FRMD4B: variants seen among roughly 807,000 people sequenced by gnomAD.
The protein encoded by FRMD4B is FERM domain-containing protein 4B.
Under a neutral mutation model 141.5 loss-of-function variants are expected in FRMD4B, and 74 were observed. That is an observed-to-expected ratio of 0.52 (90% CI 0.43 to 0.63). The LOEUF is 0.63. Ranked by LOEUF, FRMD4B falls within the 30% of genes least tolerant of loss-of-function variation. FRMD4B has a pLI of 0.00. For missense variants in FRMD4B, 1,366 were observed against 1,253.4 expected, an observed-to-expected ratio of 1.09 and a Z score of -1.36; for synonymous variants, 506 against 467.9, an observed-to-expected ratio of 1.08 and a Z score of -1.05.
intron 1 of FRMD4B, among the ~76,000 whole-genome samples, chr3:69,371,918 C>T (rs1190570228): frequency 6.6e-6 from 1 of 152,204 alleles, no homozygotes; most frequent in Non-Finnish European, 1.5e-5. Context: ...GTTATTTCCA[C>T]ATTTGAAACA....
At chr3:69,209,111 T>C (rs1340675756) in intron 11 of FRMD4B, among the ~76,000 whole-genome samples, 42 of 146,858 alleles carry the variant, frequency 2.9e-4, no homozygotes, top group African/African-American at 1.0e-3. Context: ...GCCACTGCAC[T>C]CCAGCCTGGG....
rs2092787512 is a variant in FRMD4B, at chr3:69,187,873, G to A, written c.1816C>T (p.Pro606Ser). The A allele has an allele frequency of 1.2e-6, 2 of 1,607,852 alleles. No individual in the cohort carries two copies. The highest frequency in any genetic ancestry group is 1.7e-6 in the Non-Finnish European group (2 of 1,176,312). ...GGGGGAAGAATTCTTGGAGAATGAGGTACTGAACTTGATCGCTGCCCAGGA... is the reference window on the plus strand; with the variant it reads ...GGGGGAAGAATTCTTGGAGAATGAGATACTGAACTTGATCGCTGCCCAGGA... The part of the protein sequence containing the change: ...TFPGQRSSSV[P>S]HSPRILPPKS... Residue 606 changes from proline (P) to serine (S), a missense_variant, in exon 19 of 23, where the codon CCT (proline) becomes TCT (serine). Pro to Ser is a moderately conservative substitution (Grantham distance 74, BLOSUM62 -1). Coordinates refer to ENST00000398540, the MANE Select transcript of FRMD4B (RefSeq NM_015123.3).
chr3:69,443,679 C>A (rs906141036), intron 1 of FRMD4B, among the ~76,000 whole-genome samples: 27 of 152,224 alleles, frequency 1.8e-4, no homozygotes, highest in Non-Finnish European at 2.9e-5. Flanking sequence ...CTTCCAGCAA[C>A]ACACACTTGC....
chr3:69,177,772 T>C (rs867835733), intron 21 of FRMD4B, among the ~76,000 whole-genome samples: 1 of 152,154 alleles, frequency 6.6e-6, no homozygotes, highest in Non-Finnish European at 1.5e-5. Flanking sequence ...AAAGGTAAGG[T>C]GATGAGTCTG....
At chr3:69,270,452 A>C (rs542746521) in intron 5 of FRMD4B, among the ~76,000 whole-genome samples, 10 of 152,382 alleles carry the variant, frequency 6.6e-5, no homozygotes, top group Non-Finnish European at 1.0e-4. Context: ...AAAGATGGAC[A>C]GAAATAGTTG....
intron 1 of FRMD4B, among the ~76,000 whole-genome samples, chr3:69,524,097 C>A (rs1700897277): frequency 1.3e-5 from 2 of 152,202 alleles, no homozygotes; most frequent in African/African-American, 2.4e-5. Context: ...CAGAATATAG[C>A]AAAACCAATT....
chr3:69,520,590 T>G (rs1352069171), intron 1 of FRMD4B, among the ~76,000 whole-genome samples: 1 of 151,916 alleles, frequency 6.6e-6, no homozygotes, highest in Non-Finnish European at 1.5e-5. Context: ...CCACTCAGTG[T>G]GAGGGAGCTA....
chr3:69,413,431 T>C (rs532825295), intron 2 of FRMD4B, among the ~76,000 whole-genome samples: 1 of 152,232 alleles, frequency 6.6e-6, no homozygotes, highest in African/African-American at 2.4e-5. Context: ...ACTGTATCTC[T>C]CCCTTTATTT....
chr3:69,450,550 C>T (rs1050503262), intron 1 of FRMD4B, among the ~76,000 whole-genome samples: 9 of 152,290 alleles, frequency 5.9e-5, no homozygotes, highest in Admixed American at 5.2e-4. Context: ...GTCAGGAGTT[C>T]AAGACGAGCC....
intron 1 of FRMD4B, among the ~76,000 whole-genome samples, chr3:69,324,251 G>A (rs1435612685): frequency 6.6e-6 from 1 of 152,210 alleles, no homozygotes; most frequent in Non-Finnish European, 1.5e-5. Context: ...TCCTGGACCT[G>A]ACTCCATATT....
intron 18 of FRMD4B, among the ~76,000 whole-genome samples, chr3:69,188,807 G>A (rs1339169764): frequency 6.6e-6 from 1 of 151,344 alleles, no homozygotes; most frequent in Non-Finnish European, 1.5e-5. Flanking sequence ...AAAGCAGTGG[G>A]GGTGTGGTTT....
chr3:69,328,144 C>T (rs1702244920), intron 1 of FRMD4B, among the ~76,000 whole-genome samples: 1 of 152,178 alleles, frequency 6.6e-6, no homozygotes, highest in Admixed American at 6.5e-5. Context: ...TCACGAAAGC[C>T]CACTGTCCCA....
At chr3:69,524,244 A>G (rs549172078) in intron 1 of FRMD4B, among the ~76,000 whole-genome samples, 1 of 152,324 alleles carries the variant, frequency 6.6e-6, no homozygotes, top group South Asian at 2.1e-4. Context: ...CCATGTGCCA[A>G]TCACTGTGCT....
chr3:69,363,666 G>A (rs1363496831), intron 1 of FRMD4B, among the ~76,000 whole-genome samples: 1 of 152,170 alleles, frequency 6.6e-6, no homozygotes, highest in Non-Finnish European at 1.5e-5. Flanking sequence ...TAGGATTACA[G>A]GCGTGAGCCA....
chr3:69,537,030 G>A (rs994057939), intron 1 of FRMD4B, among the ~76,000 whole-genome samples: 1 of 152,226 alleles, frequency 6.6e-6, no homozygotes, highest in Non-Finnish European at 1.5e-5. Context: ...TTACAGGCAT[G>A]AGCCACTGCA....
chr3:69,401,041 T>C lies in FRMD4B; in HGVS notation c.-1+31593A>G, dbSNP rs1575788613. Among the ~76,000 whole-genome samples, 3 of 152,316 alleles carry C rather than the reference T, an allele frequency of 2.0e-5. No homozygotes were observed. In the East Asian group the frequency reaches 5.8e-4, roughly 29 times the overall value. ...GCCCTTTTCCATACACACTACTATA[T>C]GGTTTTAGAGAAGATAAATAATTAA... On this transcript the variant is annotated intron_variant, in intron 2 of 5. Transcript: ENST00000459638.
upstream of FRMD4B, among the ~76,000 whole-genome samples, chr3:69,386,838 C>T (rs1704267133): frequency 6.6e-6 from 1 of 152,112 alleles, no homozygotes. Flanking sequence ...AGTTCTTGGT[C>T]CCTTGTAAAT....
chr3:69,250,319 C>A, intron 5 of FRMD4B: 1 of 214,048 alleles, frequency 4.7e-6, no homozygotes, highest in Non-Finnish European at 9.1e-6. Context: ...GTGTGTGTGT[C>A]TATTTTAAAT....
At position 69,225,694 on chromosome 3, in the gene FRMD4B, C is replaced by CAA. The variant is rs144489759; in HGVS notation, c.582-1006_582-1005dup. Among the ~76,000 whole-genome samples the CAA allele has an allele frequency of 3.0e-3, 69 of 23,342 alleles. 5 individuals carry two copies. Among genetic ancestry groups the CAA allele is most frequent in the African/African-American group, 0.012 (64 of 5,422 alleles). The allele number at this position is 23,342 out of a possible 152,430, so 15.3% of individuals were successfully genotyped here. A position where few individuals can be genotyped will look rare whatever the true frequency, so the allele number is the denominator to read the frequency against. ...TTGGCGACAGAGCAAGACTCCGTCT[C>CAA]AAAAAAAAAAAAAAAAAAAAAAAAA... On this transcript the variant is annotated intron_variant, in intron 7 of 22. Coordinates refer to ENST00000398540, the MANE Select transcript of FRMD4B (RefSeq NM_015123.3).
Sources: gnomAD v4.1 joint callset for allele counts (sites outside exome capture counted in the v4.1 genomes callset) on GRCh38, gnomAD v4.1.1 for gene constraint, MANE v1.5 for transcripts, NCBI Gene and HGNC (gene_info 2026-07-23, HGNC 2026-07-21) for gene names.